The following MYO3B variants were observed in gnomAD, a reference collection of about 807,000 sequenced individuals.
MYO3B encodes myosin IIIB, also known as myosin-IIIb.
A neutral mutation model predicts 174.6 loss-of-function variants in MYO3B; 156 were observed. The observed-to-expected ratio is 0.89, with a 90% CI of 0.78 to 1.02. The LOEUF (loss-of-function observed/expected upper bound fraction) is 1.02. Ranked by LOEUF, MYO3B falls within the 50% of genes least tolerant of loss-of-function variation. The pLI is 0.00. For synonymous variants in MYO3B, 563 were observed against 569.1 expected (o/e 0.99, Z 0.15); for missense variants, 1,632 against 1,639.4 (o/e 1.00, Z 0.08).
At chr2:170,425,407 C>A (rs903951116) in intron 22 of MYO3B, among the ~76,000 whole-genome samples, 1 of 152,164 alleles carries the variant, frequency 6.6e-6, no homozygotes, top group African/African-American at 2.4e-5. Flanking sequence ...TGTGAGTCAT[C>A]AGTAAACTAA....
At chr2:170,413,998 C>T (rs527430555) in intron 22 of MYO3B, among the ~76,000 whole-genome samples, 2 of 152,014 alleles carry the variant, frequency 1.3e-5, no homozygotes, top group South Asian at 4.2e-4. Context: ...CGAGATCACG[C>T]CACTACACTC....
At chr2:170,345,862 A>G (rs1268078475) in intron 8 of MYO3B, among the ~76,000 whole-genome samples, 1 of 151,508 alleles carries the variant, frequency 6.6e-6, no homozygotes, top group African/African-American at 2.4e-5. Flanking sequence ...TGAAGACTGG[A>G]GTTATGCTGT....
At chr2:170,634,489 C>A (rs1363504192) in intron 32 of MYO3B, among the ~76,000 whole-genome samples, 12 of 152,036 alleles carry the variant, frequency 7.9e-5, no homozygotes, top group Non-Finnish European at 1.6e-4. Context: ...TAAAGACTTA[C>A]ATGTTAGACC....
chr2:170,627,327 T>C (rs1372993101), intron 32 of MYO3B, among the ~76,000 whole-genome samples: 5 of 152,210 alleles, frequency 3.3e-5, no homozygotes, highest in African/African-American at 1.2e-4. Flanking sequence ...ATACCCTTTC[T>C]TCCAGTTGAT....
rs138526927 is a variant in MYO3B at position 170,536,939 on chromosome 2, C to T, written c.3576-5967C>T. 4.5e-3 allele frequency among the ~76,000 whole-genome samples: 680 copies of T among 152,114 alleles called. 5 individuals are homozygous for T. The highest frequency in any genetic ancestry group is 0.015 in the African/African-American group (641 of 41,498). On this transcript the variant is annotated intron_variant, in intron 30 of 34. Transcript: ENST00000408978. ...GGTCTCGGCTGGGCGTGGTGGCTCA[C>T]GCCTGTAATCCCAGCACTTTGGGAG... is the stretch of plus-strand genomic sequence containing the variant.
intron 3 of MYO3B, among the ~76,000 whole-genome samples, chr2:170,214,155 C>A (rs933016483): frequency 6.6e-6 from 1 of 152,062 alleles, no homozygotes; most frequent in African/African-American, 2.4e-5. Flanking sequence ...TTTGAACATG[C>A]ACTTTCACTC....
In MYO3B at chr2:170,228,228, G is replaced by A. The variant is rs540503486; in HGVS notation, c.604-7763G>A. The stretch of plus-strand genomic sequence containing the variant: ...CCCAAGAGATGCCTCACTCAGGAAG[G>A]TGGTAGGTAACCATGGAGTTTGCTC... On this transcript the variant is annotated intron_variant, in intron 6 of 34. Coordinates refer to ENST00000408978, the MANE Select transcript of MYO3B (RefSeq NM_138995.5). Among the ~76,000 whole-genome samples, 4 of 152,304 alleles carry A rather than the reference G, an allele frequency of 2.6e-5. No homozygotes were observed. In the South Asian group the frequency reaches 8.3e-4, roughly 32 times the overall value.
At chr2:170,257,996 A>G (rs754021656) in intron 7 of MYO3B, among the ~76,000 whole-genome samples, 1 of 152,120 alleles carries the variant, frequency 6.6e-6, no homozygotes, top group African/African-American at 2.4e-5. Context: ...GAAATGTACA[A>G]CCTCCCAAAA....
chr2:170,567,444 A>G (rs2355825), intron 32 of MYO3B, among the ~76,000 whole-genome samples: 119,664 of 152,134 alleles, frequency 0.79, 47,368 homozygotes, highest in African/African-American at 0.85. Context: ...AGAAATGTTT[A>G]AAGCCCTCTT....
Position 170,352,556 on chromosome 2 carries a change from A to G in MYO3B, c.816-16666A>G, listed in dbSNP as rs569908455. 3.3e-5 allele frequency among the ~76,000 whole-genome samples: 5 copies of G among 152,270 alleles called. No individual in the cohort carries two copies. The South Asian group carries it at 1.0e-3, about 32-fold the overall frequency. On this transcript the variant is annotated intron_variant, in intron 8 of 34. Transcript: ENST00000408978. ...TTCCCAAGATTTCCAGTACATAAGC[A>G]GTGGTGTACTGGTAAATGTTTAAAC...
At chr2:170,487,840 G>C (rs1049441964) in intron 25 of MYO3B, among the ~76,000 whole-genome samples, 1 of 152,032 alleles carries the variant, frequency 6.6e-6, no homozygotes, top group African/African-American at 2.4e-5. Context: ...CAAAATGAGA[G>C]GTGCAAATAA....
At chr2:170,635,322 T>G (rs1697367208) in intron 32 of MYO3B, among the ~76,000 whole-genome samples, 1 of 152,190 alleles carries the variant, frequency 6.6e-6, no homozygotes, top group Non-Finnish European at 1.5e-5. Flanking sequence ...GTGACATGGA[T>G]GAAGCTGGAA....
Position 170,499,668 on chromosome 2 carries a change from T to C in MYO3B, c.3149T>C (p.Val1050Ala), listed in dbSNP as rs749658681. Residue 1050 changes from valine (V) to alanine (A), a missense_variant, in exon 27 of 35, where the codon GTT (valine) becomes GCT (alanine). Transcript: ENST00000408978. ...KTKVFLKYYH[V>A]EQLNLLLREV... Reference sequence around the variant, plus strand: ...CAGGTTTTTCTCAAATATTACCATGTTGAGCAATTAAATTTGCTGCTTCGA... The same window carrying C: ...CAGGTTTTTCTCAAATATTACCATGCTGAGCAATTAAATTTGCTGCTTCGA... 1.2e-5 allele frequency: 19 copies of C among 1,614,020 alleles called. No homozygotes were observed. The highest frequency in any genetic ancestry group is 1.6e-4 in the Middle Eastern group (1 of 6,082).
rs1166851257 is a variant in MYO3B, at chr2:170,453,506, TAAG to T, written c.2730+9463_2730+9465del. ...ACCAACTGACCAGAAACCTGGCTGG[TAAG>T]AAATTCTTACCCTTTTTGACAGCAT... On this transcript the variant is annotated intron_variant, in intron 23 of 34. Transcript: ENST00000408978. 3.6e-3 allele frequency among the ~76,000 whole-genome samples: 537 copies of T among 149,636 alleles called. 10 individuals carry two copies. The highest frequency in any genetic ancestry group is 2.3e-3 in the South Asian group (11 of 4,754).
At chr2:170,636,721 A>G (rs1697517027) in intron 32 of MYO3B, among the ~76,000 whole-genome samples, 1 of 152,124 alleles carries the variant, frequency 6.6e-6, no homozygotes, top group Non-Finnish European at 1.5e-5. Flanking sequence ...GCTCATGTTA[A>G]TATGATTTTC....
chr2:170,533,810 CT>C lies in MYO3B; in HGVS notation c.3576-9094del, dbSNP rs555163205. On this transcript the variant is annotated intron_variant, in intron 30 of 34. Transcript: ENST00000408978. The stretch of plus-strand genomic sequence containing the variant: ...TAATTTAATTATTTTAAAACCTTGT[CT>C]TGTGTGTTTATTTTGTTCTGCCCAG... 5.2e-3 allele frequency among the ~76,000 whole-genome samples: 791 copies of C among 152,184 alleles called. 5 individuals carry two copies. Among genetic ancestry groups the C allele is most frequent in the Admixed American group, 7.5e-3 (114 of 15,276 alleles).
intron 7 of MYO3B, among the ~76,000 whole-genome samples, chr2:170,315,103 A>G (rs933710290): frequency 6.6e-6 from 1 of 152,176 alleles, no homozygotes; most frequent in Non-Finnish European, 1.5e-5. Flanking sequence ...CTGTTGGTTT[A>G]TGATTCTCAC....
chr2:170,373,951 C>T (rs2094268503), intron 9 of MYO3B, among the ~76,000 whole-genome samples: 1 of 151,974 alleles, frequency 6.6e-6, no homozygotes. Flanking sequence ...TAAAGATCGA[C>T]ATCATGATTG....
At chr2:170,229,992 T>G (rs143358283) in intron 6 of MYO3B, among the ~76,000 whole-genome samples, 296 of 152,260 alleles carry the variant, frequency 1.9e-3, no homozygotes, top group African/African-American at 6.9e-3. Context: ...GGAATTTCAT[T>G]TGTAAAACTG....
Sources: gnomAD v4.1 joint callset for allele counts (sites outside exome capture counted in the v4.1 genomes callset) on GRCh38, gnomAD v4.1.1 for gene constraint, MANE v1.5 for transcripts, NCBI Gene and HGNC (gene_info 2026-07-23, HGNC 2026-07-21) for gene names.